The following NCAM1 variants were observed in gnomAD, a reference collection of about 807,000 sequenced individuals.
NCAM1 encodes neural cell adhesion molecule 1.
In NCAM1, 14 loss-of-function variants were observed where a neutral mutation model predicts 109.8. The ratio of observed to expected loss-of-function variants is 0.13; its 90% CI spans 0.08 to 0.20. The LOEUF (loss-of-function observed/expected upper bound fraction) is 0.20. NCAM1 is among the 10% of genes least tolerant of loss of function. The pLI is 1.00. For synonymous variants in NCAM1, 418 were observed against 442.9 expected, an observed-to-expected ratio of 0.94 and a Z score of 0.70; for missense variants, 774 against 1,109.9, an observed-to-expected ratio of 0.70 and a Z score of 4.30.
chr11:113,203,275 G>A lies in NCAM1; in HGVS notation c.127+822G>A, dbSNP rs528521757. On this transcript the variant is annotated intron_variant, in intron 2 of 19. Transcript: ENST00000316851. ...GTGGACGAGGTGGCTTGTGGCCGTC[G>A]GATGTGTTCACTCCAGCTTTGCCTT... is the stretch of plus-strand genomic sequence containing the variant. Among the ~76,000 whole-genome samples the A allele has an allele frequency of 2.3e-3, 355 of 152,278 alleles. 10 individuals are homozygous for A. Among genetic ancestry groups the A allele is most frequent in the South Asian group, 0.022 (107 of 4,820 alleles).
chr11:113,100,580 A>G (rs140632064), intron 1 of NCAM1, among the ~76,000 whole-genome samples: 1,835 of 152,164 alleles, frequency 0.012, 25 homozygotes, highest in South Asian at 0.035. Context: ...GAGTGGGAAG[A>G]TAATCTTCCC....
At chr11:113,152,216 C>T (rs1049276745) in intron 1 of NCAM1, among the ~76,000 whole-genome samples, 5 of 152,216 alleles carry the variant, frequency 3.3e-5, no homozygotes, top group Non-Finnish European at 7.3e-5. Context: ...CTTTGATGTA[C>T]CCCATGTGTG....
chr11:113,264,717 A>C (rs1163067826), intron 17 of NCAM1: 3 of 984,974 alleles, frequency 3.0e-6, no homozygotes, highest in East Asian at 1.1e-4. Context: ...TCTCGTCCTA[A>C]GTGTGGAGAG....
chr11:113,017,372 T>C (rs180748762), intron 1 of NCAM1, among the ~76,000 whole-genome samples: 8 of 152,330 alleles, frequency 5.3e-5, no homozygotes, highest in African/African-American at 1.7e-4. Flanking sequence ...TTTTCAAATC[T>C]TTAGAATGTA....
intron 1 of NCAM1, among the ~76,000 whole-genome samples, chr11:113,101,374 C>T (rs553352231): frequency 2.6e-5 from 4 of 152,326 alleles, no homozygotes; most frequent in Admixed American, 2.6e-4. Context: ...CACCGCTGAG[C>T]GTGTGACCTT....
At position 112,963,001 on chromosome 11, in the gene NCAM1, G is replaced by C. The variant is rs1207416887; in HGVS notation, c.52+1337G>C. The stretch of plus-strand genomic sequence containing the variant: ...TTGGGGAGCGCACGGGGCGGGCCAG[G>C]GAGCACCCAGTGCGCCCCCTCCGCG... On this transcript the variant is annotated intron_variant, in intron 1 of 19. Transcript: ENST00000316851. This position sits in a 1 kb window ranked among gnomAD's most constrained non-coding sequence, Gnocchi z 4.6. Among the ~76,000 whole-genome samples, 1 of 152,018 alleles carries C rather than the reference G, an allele frequency of 6.6e-6. No homozygotes were observed. The highest frequency in any genetic ancestry group is 1.5e-5 in the Non-Finnish European group (1 of 67,970).
chr11:113,075,497 C>T (rs1200091475), intron 1 of NCAM1, among the ~76,000 whole-genome samples: 1 of 152,194 alleles, frequency 6.6e-6, no homozygotes, highest in Non-Finnish European at 1.5e-5. Context: ...CCCTATCATT[C>T]TCACATTCCT....
At chr11:113,023,721 T>C (rs782811862) in intron 1 of NCAM1, among the ~76,000 whole-genome samples, 2 of 152,336 alleles carry the variant, frequency 1.3e-5, no homozygotes, top group Non-Finnish European at 2.9e-5. Context: ...ATGAATTTCA[T>C]AGAATTAGGA....
chr11:113,043,530 T>C (rs963531655), intron 1 of NCAM1, among the ~76,000 whole-genome samples: 2 of 152,028 alleles, frequency 1.3e-5, no homozygotes, highest in African/African-American at 4.8e-5. Flanking sequence ...AGAGACAGGG[T>C]TTCACCATGT....
chr11:113,247,411 C>T (rs1429662344), intron 15 of NCAM1, among the ~76,000 whole-genome samples: 2 of 152,142 alleles, frequency 1.3e-5, no homozygotes, highest in South Asian at 2.1e-4. Flanking sequence ...TCTCTGAGAA[C>T]TGATTGGGCG....
intron 15 of NCAM1, among the ~76,000 whole-genome samples, chr11:113,253,956 T>A (rs1945767715): frequency 6.6e-6 from 1 of 152,186 alleles, no homozygotes; most frequent in African/African-American, 2.4e-5. Flanking sequence ...CCGGGATGAG[T>A]TGGTCACCCC....
intron 16 of NCAM1, among the ~76,000 whole-genome samples, chr11:113,257,411 A>G (rs1002174671): frequency 1.2e-4 from 19 of 152,248 alleles, no homozygotes; most frequent in Non-Finnish European, 2.5e-4. Context: ...GGGATAAAAT[A>G]GCTTATTGAG....
At chr11:113,015,548 C>T (rs1371885485) in intron 1 of NCAM1, among the ~76,000 whole-genome samples, 2 of 151,864 alleles carry the variant, frequency 1.3e-5, no homozygotes, top group African/African-American at 4.8e-5. Flanking sequence ...CCAGCCTGGC[C>T]AACATGGTGA....
At chr11:113,258,600 G>T (rs1555122690) in intron 16 of NCAM1, among the ~76,000 whole-genome samples, 1 of 152,156 alleles carries the variant, frequency 6.6e-6, no homozygotes, top group East Asian at 1.9e-4. Flanking sequence ...GGTGACTGTA[G>T]TTCACAATTA....
chr11:112,968,162 G>T (rs1950776334), intron 1 of NCAM1, among the ~76,000 whole-genome samples: 1 of 152,192 alleles, frequency 6.6e-6, no homozygotes, highest in Non-Finnish European at 1.5e-5. Context: ...GTGCTTTGAA[G>T]ATTAGAATCA....
chr11:112,987,512 T>G (rs1951340773), intron 1 of NCAM1, among the ~76,000 whole-genome samples: 1 of 152,220 alleles, frequency 6.6e-6, no homozygotes, highest in Admixed American at 6.5e-5. Context: ...ATTATTGTAT[T>G]GCCTTCTATA....
intron 1 of NCAM1, among the ~76,000 whole-genome samples, chr11:113,054,062 G>T (rs918971808): frequency 1.3e-5 from 2 of 152,138 alleles, no homozygotes; most frequent in Non-Finnish European, 2.9e-5. Context: ...AGATTCAGTT[G>T]CTGGAAGGAC....
intron 1 of NCAM1, among the ~76,000 whole-genome samples, chr11:113,121,152 G>A (rs570073189): frequency 2.0e-5 from 3 of 151,556 alleles, no homozygotes; most frequent in Non-Finnish European, 2.9e-5. Flanking sequence ...GATTAGGGGG[G>A]TGGCCTCCTT....
intron 9 of NCAM1, among the ~76,000 whole-genome samples, chr11:113,227,679 A>T (rs1232065244): frequency 6.6e-6 from 1 of 152,206 alleles, no homozygotes; most frequent in Non-Finnish European, 1.5e-5. Context: ...TGCAAAAATC[A>T]TCAATAAAAT....
Sources: gnomAD v4.1 joint callset for allele counts (sites outside exome capture counted in the v4.1 genomes callset) on GRCh38, gnomAD v4.1.1 for gene constraint, Gnocchi (gnomAD v3.1) non-coding constraint, MANE v1.5 for transcripts, NCBI Gene and HGNC (gene_info 2026-07-23, HGNC 2026-07-21) for gene names.